The following NEGR1 variants were observed in gnomAD, a reference collection of about 807,000 sequenced individuals.
NEGR1 encodes the protein IgLON family member 4.
Under a neutral mutation model 40.9 loss-of-function variants are expected in NEGR1, and 10 were observed. The observed-to-expected ratio is 0.24, with a 90% confidence interval of 0.15 to 0.42. The LOEUF is 0.42. NEGR1 is among the 10% of genes least tolerant of loss of function. The probability of loss-of-function intolerance (pLI) is 1.00; values close to 1 mark genes in which losing one functional copy is unlikely to be tolerated. For missense variants in NEGR1, 352 were observed against 438.9 expected (o/e 0.80, Z 1.77); for synonymous variants, 185 against 166.8 (o/e 1.11, Z -0.84).
intron 2 of NEGR1, among the ~76,000 whole-genome samples, chr1:71,810,693 T>C (rs890833584): frequency 6.6e-6 from 1 of 152,056 alleles, no homozygotes; most frequent in Non-Finnish European, 1.5e-5. Flanking sequence ...CTCATGATAC[T>C]CAGTGAGTAC....
At chr1:72,166,724 CAG>C (rs1651778940) in intron 1 of NEGR1, among the ~76,000 whole-genome samples, 1 of 151,916 alleles carries the variant, frequency 6.6e-6, no homozygotes, top group Non-Finnish European at 1.5e-5. Context: ...CTCATAAAAG[CAG>C]AGAGTATTAT....
chr1:71,949,759 T>C (rs1213824104), intron 1 of NEGR1, among the ~76,000 whole-genome samples: 1 of 152,146 alleles, frequency 6.6e-6, no homozygotes, highest in African/African-American at 2.4e-5. Context: ...CAAATGGAAC[T>C]GCCCACTGTC....
intron 2 of NEGR1, among the ~76,000 whole-genome samples, chr1:71,777,629 T>C (rs528534414): frequency 6.6e-6 from 1 of 152,212 alleles, no homozygotes; most frequent in South Asian, 2.1e-4. Context: ...TGTTCCCTTC[T>C]TTGGGTTTCT....
At chr1:71,880,294 T>G (rs1056208810) in intron 2 of NEGR1, among the ~76,000 whole-genome samples, 3 of 152,032 alleles carry the variant, frequency 2.0e-5, no homozygotes, top group Non-Finnish European at 4.4e-5. Context: ...TACTCATATT[T>G]CAAAGAAGCA....
intron 1 of NEGR1, among the ~76,000 whole-genome samples, chr1:71,959,592 G>A (rs1467045372): frequency 6.6e-6 from 1 of 151,830 alleles, no homozygotes; most frequent in Non-Finnish European, 1.5e-5. Context: ...ACATATTTAA[G>A]GTCAAAATAA....
chr1:71,659,645 C>G (rs1227258629), intron 4 of NEGR1, among the ~76,000 whole-genome samples: 1 of 151,984 alleles, frequency 6.6e-6, no homozygotes, highest in African/African-American at 2.4e-5. Flanking sequence ...AACAAACAAC[C>G]CCACTAAAAG....
intron 4 of NEGR1, among the ~76,000 whole-genome samples, chr1:71,613,089 A>G (rs751394996): frequency 2.0e-5 from 3 of 152,180 alleles, no homozygotes; most frequent in Non-Finnish European, 4.4e-5. Context: ...AGAAAAGACC[A>G]TAGTGAGGCT....
chr1:72,151,673 G>T (rs1029286589), intron 1 of NEGR1, among the ~76,000 whole-genome samples: 3 of 151,590 alleles, frequency 2.0e-5, no homozygotes, highest in African/African-American at 4.8e-5. Context: ...AATTGTAAAA[G>T]ACAAACAAAA....
intron 6 of NEGR1, among the ~76,000 whole-genome samples, chr1:71,588,504 T>C (rs1276098882): frequency 6.6e-6 from 1 of 152,176 alleles, no homozygotes; most frequent in Non-Finnish European, 1.5e-5. Flanking sequence ...TGAGGGATCT[T>C]CATTGTATAC....
intron 2 of NEGR1, among the ~76,000 whole-genome samples, chr1:71,862,308 T>C (rs1351158105): frequency 6.6e-6 from 1 of 152,106 alleles, no homozygotes; most frequent in Non-Finnish European, 1.5e-5. Context: ...CTGACACTCC[T>C]AACACTTTTT....
At chr1:71,777,132 T>A (rs1412378136) in intron 2 of NEGR1, among the ~76,000 whole-genome samples, 2 of 152,186 alleles carry the variant, frequency 1.3e-5, no homozygotes, top group Non-Finnish European at 2.9e-5. Flanking sequence ...ATTAAATTTC[T>A]ATATTCTTTG....
intron 1 of NEGR1, among the ~76,000 whole-genome samples, chr1:72,029,397 T>C (rs1008330685): frequency 1.3e-5 from 2 of 151,918 alleles, no homozygotes; most frequent in African/African-American, 2.4e-5. Flanking sequence ...ATGATCAAGG[T>C]ATAAGAAAAA....
At chr1:72,075,359 G>T (rs1351736804) in intron 1 of NEGR1, among the ~76,000 whole-genome samples, 5 of 152,108 alleles carry the variant, frequency 3.3e-5, no homozygotes, top group African/African-American at 1.2e-4. Flanking sequence ...GTGAGGTAGA[G>T]TCCTTTTACT....
intron 4 of NEGR1, among the ~76,000 whole-genome samples, chr1:71,661,058 C>G (rs1652037822): frequency 1.3e-5 from 2 of 152,180 alleles, no homozygotes; most frequent in African/African-American, 2.4e-5. Context: ...GCCTAGTATT[C>G]CATGGTGTGT....
At chr1:71,848,307 T>C (rs113231048) in intron 2 of NEGR1, among the ~76,000 whole-genome samples, 3,128 of 152,288 alleles carry the variant, frequency 0.021, 66 homozygotes, top group South Asian at 0.1. Context: ...AAACAACCGA[T>C]ATTAAATGTA....
intron 6 of NEGR1, among the ~76,000 whole-genome samples, chr1:71,411,986 G>C (rs930719851): frequency 7.2e-5 from 11 of 151,992 alleles, no homozygotes; most frequent in Non-Finnish European, 1.6e-4. Flanking sequence ...GGGTGAAAGA[G>C]TGAGACTCTG....
chr1:71,935,384 T>C, intron 1 of NEGR1, 73 bp from the exon 2 acceptor site: 1 of 1,069,366 alleles, frequency 9.4e-7, no homozygotes, highest in Non-Finnish European at 1.4e-6. Flanking sequence ...GTTCTGAGTG[T>C]TTTTTTCTTT....
chr1:71,881,293 T>C (rs1164717288), intron 2 of NEGR1, among the ~76,000 whole-genome samples: 1 of 152,108 alleles, frequency 6.6e-6, no homozygotes, highest in Non-Finnish European at 1.5e-5. Flanking sequence ...GAGGATACTC[T>C]CTGCTTCGTA....
intron 2 of NEGR1, among the ~76,000 whole-genome samples, chr1:71,779,788 C>A (rs969842141): frequency 6.6e-6 from 1 of 151,894 alleles, no homozygotes; most frequent in African/African-American, 2.4e-5. Flanking sequence ...AGGCTGCTCT[C>A]GAACTCCTGA....
Sources: gnomAD v4.1 joint callset for allele counts (sites outside exome capture counted in the v4.1 genomes callset) on GRCh38, gnomAD v4.1.1 for gene constraint, MANE v1.5 for transcripts, NCBI Gene and HGNC (gene_info 2026-07-23, HGNC 2026-07-21) for gene names.